Variants in CDC123 observed in about 807,000 individuals in gnomAD.
CDC123 encodes cell division cycle 123, also known as translation initiation factor eIF2 assembly protein.
CDC123 carries 37 observed loss-of-function variants against 54.4 expected under a neutral mutation model. The ratio of observed to expected loss-of-function variants is 0.68; its 90% CI spans 0.52 to 0.89. CDC123 has a LOEUF of 0.89. Among genes scored for constraint, CDC123 ranks in the 40% least tolerant of loss-of-function variants. The probability of loss-of-function intolerance (pLI) is 0.00; values close to 1 mark genes in which losing one functional copy is unlikely to be tolerated. For missense variants in CDC123, 361 were observed against 412.1 expected (o/e 0.88, Z 1.07); for synonymous variants, 144 against 136.8 (o/e 1.05, Z -0.37).
At chr10:12,205,145 G>C (rs1835501484) in intron 2 of CDC123, among the ~76,000 whole-genome samples, 2 of 151,892 alleles carry the variant, frequency 1.3e-5, no homozygotes, top group African/African-American at 4.8e-5. Flanking sequence ...TTAGTTTTTA[G>C]ATCCCACAGA....
At chr10:12,206,766 G>T (rs900754199) in intron 2 of CDC123, among the ~76,000 whole-genome samples, 2 of 152,088 alleles carry the variant, frequency 1.3e-5, no homozygotes, top group Admixed American at 6.5e-5. Context: ...AGACCATCCT[G>T]GCCAACACGG....
intron 2 of CDC123, among the ~76,000 whole-genome samples, chr10:12,205,227 C>T (rs1281070004): frequency 2.0e-5 from 3 of 152,116 alleles, no homozygotes; most frequent in African/African-American, 4.8e-5. Context: ...CCAGTTTCAT[C>T]CATTTTGTTG....
chr10:12,210,236 G>T, intron 3 of CDC123, 54 bp from the exon 4 acceptor site: 1 of 1,590,736 alleles, frequency 6.3e-7, no homozygotes, highest in Non-Finnish European at 8.6e-7. Flanking sequence ...GCTTTTTGAA[G>T]CCCAGTGCAG....
At chr10:12,202,588 A>C (rs922347631) in intron 2 of CDC123, among the ~76,000 whole-genome samples, 2 of 152,188 alleles carry the variant, frequency 1.3e-5, no homozygotes, top group African/African-American at 4.8e-5. Flanking sequence ...GTCAGCTGCA[A>C]GCCCCAGGTG....
chr10:12,200,699 G>A (rs1210439810), intron 2 of CDC123, among the ~76,000 whole-genome samples: 3 of 151,994 alleles, frequency 2.0e-5, no homozygotes, highest in African/African-American at 4.8e-5. Flanking sequence ...TTGGGAGGCC[G>A]AGTTGGGTGG....
intron 6 of CDC123, among the ~76,000 whole-genome samples, chr10:12,230,051 A>G (rs572991823): frequency 6.6e-6 from 1 of 152,274 alleles, no homozygotes; most frequent in Admixed American, 6.5e-5. Flanking sequence ...TCTGGGTGTT[A>G]GTTTCTTTGC....
In CDC123 at chr10:12,204,871, T is replaced by C. The variant is rs149252940; in HGVS notation, c.147-5096T>C. Among the ~76,000 whole-genome samples the C allele has an allele frequency of 1.9e-3, 293 of 151,630 alleles. 5 individuals carry two copies. The East Asian group carries it at 0.049, about 26-fold the overall frequency. ...AGCTGGGCATGGTGGCAGGCGCCTG[T>C]AATCTCAGCTGCTCAGGAGGCTGAG... On this transcript the variant is annotated intron_variant, in intron 2 of 12. Coordinates refer to ENST00000281141, the MANE Select transcript of CDC123 (RefSeq NM_006023.3).
intron 11 of CDC123, 27 bp downstream of exon 11, chr10:12,246,304 T>G: frequency 1.2e-6 from 2 of 1,611,732 alleles, no homozygotes; most frequent in Non-Finnish European, 1.7e-6. Context: ...ACAGATACAA[T>G]GTAAACCTTT....
intron 10 of CDC123, among the ~76,000 whole-genome samples, chr10:12,242,652 C>G (rs1018612183): frequency 6.6e-6 from 1 of 152,132 alleles, no homozygotes; most frequent in Non-Finnish European, 1.5e-5. Flanking sequence ...CACATGAAAA[C>G]ATGTTATGGC....
chr10:12,196,560 A>C (rs1835351734), intron 1 of CDC123, among the ~76,000 whole-genome samples: 1 of 152,166 alleles, frequency 6.6e-6, no homozygotes, highest in South Asian at 2.1e-4. Context: ...GGATTAACCT[A>C]GTTTAGGCTT....
At chr10:12,246,563 G>C (rs1836141316) in intron 11 of CDC123, 1 of 269,596 alleles carries the variant, frequency 3.7e-6, no homozygotes, top group Non-Finnish European at 7.1e-6. Flanking sequence ...ATCAGCTCAT[G>C]CATCTGTTCC....
At chr10:12,207,063 A>G (rs953551223) in intron 2 of CDC123, among the ~76,000 whole-genome samples, 5 of 151,598 alleles carry the variant, frequency 3.3e-5, no homozygotes, top group African/African-American at 1.2e-4. Context: ...GAGCCCTTTC[A>G]TTCTAAAGAC....
rs111511448 is a variant in CDC123, at chr10:12,226,242, G to A, written c.441-4706G>A. Among the ~76,000 whole-genome samples, 1,112 of 152,136 alleles carry A rather than the reference G, an allele frequency of 7.3e-3. 14 individuals are homozygous for A. Among genetic ancestry groups the A allele is most frequent in the African/African-American group, 0.025 (1,018 of 41,502 alleles). ...CCTTCCACTCAACAAAACCGCCATC[G>A]TCATCATGGCCCGTTCTCAATGAGC... On this transcript the variant is annotated intron_variant, in intron 6 of 12. Coordinates refer to ENST00000281141, the MANE Select transcript of CDC123 (RefSeq NM_006023.3).
chr10:12,235,981 G>C (rs960115405), intron 8 of CDC123, among the ~76,000 whole-genome samples: 1 of 152,198 alleles, frequency 6.6e-6, no homozygotes, highest in Admixed American at 6.5e-5. Flanking sequence ...TTGGAATCTT[G>C]TCAGCAAGTC....
chr10:12,226,512 G>C (rs1338835728), intron 6 of CDC123, among the ~76,000 whole-genome samples: 1 of 150,976 alleles, frequency 6.6e-6, no homozygotes, highest in Admixed American at 6.6e-5. Context: ...GGGCGGCCGG[G>C]CAGAGAGGCT....
At chr10:12,205,451 A>G (rs1376995853) in intron 2 of CDC123, among the ~76,000 whole-genome samples, 1 of 152,194 alleles carries the variant, frequency 6.6e-6, no homozygotes, top group Non-Finnish European at 1.5e-5. Context: ...CCAAAATCCC[A>G]AACACTTTTG....
chr10:12,249,778 T>G (rs1016618348), intron 12 of CDC123, 60 bp downstream of exon 12: 1 of 1,526,254 alleles, frequency 6.6e-7, no homozygotes, highest in African/African-American at 1.4e-5. Flanking sequence ...TCAAATTGGC[T>G]TTTATATAAT....
chr10:12,241,984 G>A (rs1296527277), intron 10 of CDC123, among the ~76,000 whole-genome samples: 1 of 152,084 alleles, frequency 6.6e-6, no homozygotes, highest in African/African-American at 2.4e-5. Context: ...TTCTGGCCCC[G>A]GGGGATTTCC....
intron 4 of CDC123, among the ~76,000 whole-genome samples, chr10:12,215,161 C>T (rs1208871092): frequency 6.6e-6 from 1 of 152,200 alleles, no homozygotes; most frequent in Non-Finnish European, 1.5e-5. Flanking sequence ...ATCATCCAAA[C>T]AGGAAAGAAC....
Sources: gnomAD v4.1 joint callset for allele counts (sites outside exome capture counted in the v4.1 genomes callset) on GRCh38, gnomAD v4.1.1 for gene constraint, MANE v1.5 for transcripts, NCBI Gene and HGNC (gene_info 2026-07-23, HGNC 2026-07-21) for gene names.